The following WWOX variants were observed in gnomAD, a reference collection of about 807,000 sequenced individuals.
WWOX encodes the protein WW domain containing oxidoreductase, also known as WW domain-containing oxidoreductase.
WWOX carries 69 observed loss-of-function variants against 46.2 expected under a neutral mutation model. The observed-to-expected ratio is 1.49, with a 90% CI of 1.23 to 1.82. WWOX has a LOEUF of 1.82. Among genes scored for constraint, WWOX ranks in the 40% most tolerant of loss-of-function variants. WWOX has a pLI of 0.00. For missense variants in WWOX, 919 were observed against 542.6 expected (o/e 1.69, Z -6.89); for synonymous variants, 359 against 202.6 (o/e 1.77, Z -6.56).
chr16:78,396,340 A>T (rs2082286375), intron 6 of WWOX, among the ~76,000 whole-genome samples: 1 of 152,218 alleles, frequency 6.6e-6, no homozygotes, highest in African/African-American at 2.4e-5. Flanking sequence ...TGCCATATTA[A>T]AAGTCATCAC....
intron 8 of WWOX, among the ~76,000 whole-genome samples, chr16:78,511,331 G>C (rs960221542): frequency 6.6e-6 from 1 of 152,282 alleles, no homozygotes; most frequent in Middle Eastern, 3.4e-3. Flanking sequence ...CAGACACTAT[G>C]ACCGTTGACG....
chr16:78,527,917 A>G (rs926964125), intron 8 of WWOX, among the ~76,000 whole-genome samples: 4 of 150,770 alleles, frequency 2.7e-5, no homozygotes, highest in African/African-American at 9.8e-5. Context: ...AAATATCAGC[A>G]GTGCCCAGGT....
rs920503737 is a variant in WWOX at position 79,212,394 on chromosome 16, G to A, written c.*598G>A. On this transcript the variant is annotated 3_prime_UTR_variant, in exon 9 of 9. Coordinates refer to ENST00000566780, the MANE Select transcript of WWOX (RefSeq NM_016373.4). ...ATACGCAGAACTACCAGGTGGCAAA[G>A]TACTTGTCATAGACTCCTTTGCTAA... is the stretch of plus-strand genomic sequence containing the variant. The A allele has an allele frequency of 1.1e-5, 5 of 457,366 alleles. No homozygotes were observed. Among genetic ancestry groups the A allele is most frequent in the African/African-American group, 9.6e-5 (5 of 51,962 alleles). The allele number at this position is 457,366 out of a possible 1,614,324, so 28.3% of individuals were successfully genotyped here. A position where few individuals can be genotyped will look rare whatever the true frequency, so the allele number is the denominator to read the frequency against.
intron 5 of WWOX, among the ~76,000 whole-genome samples, chr16:78,381,703 G>C (rs73569039): frequency 0.015 from 2,276 of 152,328 alleles, 63 homozygotes; most frequent in African/African-American, 0.053. Flanking sequence ...TCAAGATTCA[G>C]TGATCTCAGA....
chr16:78,163,692 G>A (rs138051472), intron 4 of WWOX, among the ~76,000 whole-genome samples: 3 of 152,318 alleles, frequency 2.0e-5, no homozygotes, highest in African/African-American at 7.2e-5. Context: ...AGTAGGAAAT[G>A]GGGCTAAGAA....
Position 78,926,332 on chromosome 16 carries a change from C to T in WWOX, c.1057-285276C>T, listed in dbSNP as rs140836266. 8.3e-4 allele frequency among the ~76,000 whole-genome samples: 125 copies of T among 150,978 alleles called. 1 individual carries two copies. The highest frequency in any genetic ancestry group is 2.9e-3 in the African/African-American group (120 of 41,210). On this transcript the variant is annotated intron_variant, in intron 8 of 8. Coordinates refer to ENST00000566780, the MANE Select transcript of WWOX (RefSeq NM_016373.4). ...AGATTGCAGTGAGCCATGCTCGTGC[C>T]ATTGCATTTCAGCGTGGGTGACAGT...
At chr16:79,091,171 C>G (rs779111634) in intron 8 of WWOX, among the ~76,000 whole-genome samples, 1 of 152,164 alleles carries the variant, frequency 6.6e-6, no homozygotes, top group Non-Finnish European at 1.5e-5. Context: ...GCCACCATAA[C>G]CACATCCTTC....
In WWOX at chr16:79,006,188, T is replaced by G. The variant is rs138156781; in HGVS notation, c.1057-205420T>G. On this transcript the variant is annotated intron_variant, in intron 8 of 8. Transcript: ENST00000566780. Reference sequence around the variant, plus strand: ...AGAAAGCAGAAGATGGGGTGACAAGTTTGGCCTGCGGCAGGAAAGACTTCC... The same window carrying G: ...AGAAAGCAGAAGATGGGGTGACAAGGTTGGCCTGCGGCAGGAAAGACTTCC... 4.6e-3 allele frequency among the ~76,000 whole-genome samples: 698 copies of G among 152,264 alleles called. 2 individuals are homozygous for G. The highest frequency in any genetic ancestry group is 0.016 in the African/African-American group (685 of 41,544).
chr16:78,329,196 A>G (rs1173245919), intron 5 of WWOX, among the ~76,000 whole-genome samples: 2 of 152,136 alleles, frequency 1.3e-5, no homozygotes, highest in African/African-American at 4.8e-5. Context: ...AGAAACAGTT[A>G]AAGTGAAATT....
Position 78,181,381 on chromosome 16 carries a change from A to C in WWOX, c.516+17092A>C, listed in dbSNP as rs114710186. On this transcript the variant is annotated intron_variant, in intron 5 of 8. Coordinates refer to ENST00000566780, the MANE Select transcript of WWOX (RefSeq NM_016373.4). ...GAATTGTTGAGCTATGATTTGTTTT[A>C]ATCAGAAAGAAATTGTCTAACATAA... Among the ~76,000 whole-genome samples, 242 of 152,286 alleles carry C rather than the reference A, an allele frequency of 1.6e-3. 1 individual carries two copies. The highest frequency in any genetic ancestry group is 5.6e-3 in the African/African-American group (232 of 41,558).
At chr16:78,395,328 C>T (rs574851190) in intron 6 of WWOX, among the ~76,000 whole-genome samples, 5 of 152,124 alleles carry the variant, frequency 3.3e-5, no homozygotes, top group East Asian at 3.9e-4. Flanking sequence ...AGACCAGCCT[C>T]GGTAATTTGG....
Position 78,964,830 on chromosome 16 carries a change from C to G in WWOX, c.1057-246778C>G, listed in dbSNP as rs184793845. On this transcript the variant is annotated intron_variant, in intron 8 of 8. Transcript: ENST00000566780. ...CCCTGTGCTGTGTGTAGCCTAGGGA[C>G]TTGGTGCCCTGTGTCCCAGCCACTC... 2.6e-3 allele frequency among the ~76,000 whole-genome samples: 397 copies of G among 152,296 alleles called. 2 individuals are homozygous for G. The highest frequency in any genetic ancestry group is 9.2e-3 in the African/African-American group (384 of 41,552).
chr16:78,814,915 G>C (rs2051290722), intron 8 of WWOX, among the ~76,000 whole-genome samples: 1 of 152,126 alleles, frequency 6.6e-6, no homozygotes, highest in Non-Finnish European at 1.5e-5. Flanking sequence ...CTTCCACCTG[G>C]CCTGGAAGCT....
At chr16:78,674,158 G>C (rs1014339822) in intron 8 of WWOX, among the ~76,000 whole-genome samples, 1 of 151,988 alleles carries the variant, frequency 6.6e-6, no homozygotes, top group Non-Finnish European at 1.5e-5. Flanking sequence ...CTTTCCTTTG[G>C]CTCAGAGACT....
chr16:78,374,668 C>G, intron 5 of WWOX, among the ~76,000 whole-genome samples: 1 of 151,380 alleles, frequency 6.6e-6, no homozygotes. Flanking sequence ...CCTGCCTCAG[C>G]CTCCCGAGTA....
chr16:78,906,851 AAT>A (rs2044978220), intron 8 of WWOX, among the ~76,000 whole-genome samples: 1 of 152,226 alleles, frequency 6.6e-6, no homozygotes, highest in South Asian at 2.1e-4. Flanking sequence ...AGTTAGGAAT[AAT>A]ATGTCAAGCT....
At chr16:78,417,090 A>C (rs2151953708) in intron 6 of WWOX, among the ~76,000 whole-genome samples, 1 of 148,642 alleles carries the variant, frequency 6.7e-6, no homozygotes, top group East Asian at 2.0e-4. Context: ...ATTTTGAGAC[A>C]GGGTGTTGCT....
intron 8 of WWOX, among the ~76,000 whole-genome samples, chr16:78,954,432 A>G (rs1219619731): frequency 6.6e-6 from 1 of 152,214 alleles, no homozygotes; most frequent in Non-Finnish European, 1.5e-5. Flanking sequence ...GGATGGATGG[A>G]TAAATGATGC....
chr16:78,634,305 A>G (rs2046511521), intron 8 of WWOX, among the ~76,000 whole-genome samples: 1 of 152,216 alleles, frequency 6.6e-6, no homozygotes, highest in African/African-American at 2.4e-5. Flanking sequence ...AAGTGTGGAA[A>G]TGATACGCTT....
Sources: allele counts gnomAD v4.1 joint callset (sites outside exome capture counted in the v4.1 genomes callset), GRCh38; gene constraint gnomAD v4.1.1; transcripts MANE v1.5; gene names NCBI Gene and HGNC (gene_info 2026-07-23, HGNC 2026-07-21).